The following GPR89B variants were observed in gnomAD, a reference collection of about 807,000 sequenced individuals.
GPR89B encodes G protein-coupled receptor 89B.
GPR89B carries 25 observed loss-of-function variants against 52.4 expected under a neutral mutation model. That is an observed-to-expected ratio of 0.48 (90% CI 0.35 to 0.67). The LOEUF (loss-of-function observed/expected upper bound fraction) is 0.67. Ranked by LOEUF, GPR89B falls within the 30% of genes least tolerant of loss-of-function variation. GPR89B has a pLI of 0.01. For missense variants in GPR89B, 146 were observed against 450.2 expected (o/e 0.32, Z 6.11); for synonymous variants, 52 against 151.2 (o/e 0.34, Z 4.81).
At chr1:148,004,356 G>A in the GPR89B span, among the ~76,000 whole-genome samples, 5 of 149,918 alleles carry the variant, frequency 3.3e-5, no homozygotes, top group African/African-American at 4.9e-5. Flanking sequence ...TAGTAGAGAC[G>A]GTGTTTCACC....
chr1:147,950,588 G>A (rs1417746961), intron 5 of GPR89B, among the ~76,000 whole-genome samples: 3 of 152,230 alleles, frequency 2.0e-5, no homozygotes, highest in African/African-American at 7.2e-5. Flanking sequence ...AGGCGGCTGG[G>A]AGGTGGAGGT....
At chr1:147,994,744 A>G (rs1184889184), downstream of GPR89B, among the ~76,000 whole-genome samples, 4 of 152,108 alleles carry the variant, frequency 2.6e-5, no homozygotes, top group African/African-American at 9.7e-5. Flanking sequence ...AACTAATACA[A>G]CTAATAGTAT....
the GPR89B span, among the ~76,000 whole-genome samples, chr1:148,000,612 T>C: frequency 6.7e-6 from 1 of 149,470 alleles, no homozygotes; most frequent in African/African-American, 2.5e-5. Context: ...ACCCATCATA[T>C]TCCCCCCTCT....
intron 3 of GPR89B, 129 bp downstream of exon 3, chr1:147,938,946 A>C (rs1654328370): frequency 1.8e-6 from 2 of 1,120,562 alleles, no homozygotes; most frequent in East Asian, 5.2e-5. Context: ...CAGTAACTGC[A>C]ATGATCACAA....
downstream of GPR89B, among the ~76,000 whole-genome samples, chr1:147,997,939 T>C (rs1369009358): frequency 4.0e-3 from 608 of 152,328 alleles, 2 homozygotes; most frequent in African/African-American, 0.014. Flanking sequence ...AAGCATTAGC[T>C]GTCACTTCTA....
intron 5 of GPR89B, among the ~76,000 whole-genome samples, chr1:147,945,202 A>G (rs1280367807): frequency 1.2e-4 from 17 of 138,968 alleles, no homozygotes; most frequent in Non-Finnish European, 2.5e-4. Context: ...TGCTATCACC[A>G]CCCCTACATT....
chr1:147,972,477 C>T lies in GPR89B; in HGVS notation c.909+2518C>T, dbSNP rs1465967387. 4.0e-5 allele frequency among the ~76,000 whole-genome samples: 6 copies of T among 151,250 alleles called. No individual in the cohort carries two copies. In the South Asian group the frequency reaches 1.3e-3, roughly 32 times the overall value. ...TGAGTTTCAGTTGTTCACATCCTCACCAACACTCTATATGGCCAGTCTTGC... is the reference window on the plus strand; with the variant it reads ...TGAGTTTCAGTTGTTCACATCCTCATCAACACTCTATATGGCCAGTCTTGC... On this transcript the variant is annotated intron_variant, in intron 10 of 13. Transcript: ENST00000314163.
At chr1:147,946,691 C>T (rs1486549668) in intron 5 of GPR89B, among the ~76,000 whole-genome samples, 4 of 152,136 alleles carry the variant, frequency 2.6e-5, no homozygotes, top group Non-Finnish European at 4.4e-5. Context: ...GTGCATTCAG[C>T]TCACATGACC....
At chr1:148,002,982 A>G in the GPR89B span, among the ~76,000 whole-genome samples, 71 of 152,278 alleles carry the variant, frequency 4.7e-4, 1 homozygote, top group African/African-American at 1.6e-3. Flanking sequence ...GAATTATCAC[A>G]GTGCTTGATC....
chr1:148,009,243 G>T, the GPR89B span: 7 of 1,435,548 alleles, frequency 4.9e-6, no homozygotes, highest in African/African-American at 7.1e-5. Context: ...CAACTGAAAA[G>T]TCAGTCGAAG....
At chr1:148,021,114 TC>T in the GPR89B span, among the ~76,000 whole-genome samples, 30 of 151,956 alleles carry the variant, frequency 2.0e-4, 2 homozygotes, top group African/African-American at 6.3e-4. Context: ...TGCTGTCGGA[TC>T]CCTGCAATAC....
At chr1:147,988,916 G>T (rs1313450284) in intron 12 of GPR89B, among the ~76,000 whole-genome samples, 1 of 135,138 alleles carries the variant, frequency 7.4e-6, no homozygotes, top group Non-Finnish European at 1.6e-5. Flanking sequence ...TAAGAATTCT[G>T]CCTCCTGAGA....
At chr1:147,971,513 C>T (rs1657469681) in intron 10 of GPR89B, among the ~76,000 whole-genome samples, 1 of 124,398 alleles carries the variant, frequency 8.0e-6, no homozygotes, top group South Asian at 2.7e-4. Flanking sequence ...CTCTCTCTGT[C>T]TCCCAGGCTG....
rs1654118915 is a variant in GPR89B, at chr1:147,936,682, A to G, written c.98A>G (p.Tyr33Cys). ...TTCATGCGCCAATTGTTTAAAGACT[A>G]TGAGGTGAGAAGAAATCATTTTGTC... ...LFFMRQLFKDYEIRQYVVQVI... is the reference protein window; with the variant it reads ...LFFMRQLFKDCEIRQYVVQVI... The change falls in exon 2 of 14, where the codon TAT becomes TGT. Residue 33 changes from tyrosine (Y) to cysteine (C), a missense_variant. Coordinates refer to ENST00000314163, the MANE Select transcript of GPR89B (RefSeq NM_016334.5). The G allele has an allele frequency of 3.1e-6, 5 of 1,608,064 alleles. No individual in the cohort carries two copies. The highest frequency in any genetic ancestry group is 1.1e-5 in the South Asian group (1 of 90,506).
intron 12 of GPR89B, among the ~76,000 whole-genome samples, chr1:147,988,815 G>C (rs1271133689): frequency 6.6e-6 from 1 of 151,866 alleles, no homozygotes; most frequent in Non-Finnish European, 1.5e-5. Context: ...AGTGAGCCAA[G>C]GTCACACACT....
At position 147,942,136 on chromosome 1, in the gene GPR89B, A is replaced by C. The variant is rs587610902; in HGVS notation, c.207-1302A>C. ...AGTTTAATAATATAATACAATTAAA[A>C]AATGAATAAAGGATCTGAATAGGCA... On this transcript the variant is annotated intron_variant, in intron 3 of 13. Coordinates refer to ENST00000314163, the MANE Select transcript of GPR89B (RefSeq NM_016334.5). 3.9e-5 allele frequency among the ~76,000 whole-genome samples: 6 copies of C among 152,304 alleles called. 1 individual carries two copies. The East Asian group carries it at 1.2e-3, about 29-fold the overall frequency.
At chr1:147,937,811 A>G (rs1553248217) in intron 2 of GPR89B, among the ~76,000 whole-genome samples, 1 of 152,202 alleles carries the variant, frequency 6.6e-6, no homozygotes, top group African/African-American at 2.4e-5. Context: ...AACAATTTGT[A>G]CAGTTAACGC....
downstream of GPR89B, chr1:147,995,567 A>G: frequency 1.2e-6 from 2 of 1,601,386 alleles, no homozygotes; most frequent in South Asian, 1.1e-5. Flanking sequence ...AGTAAATTAG[A>G]TCATGAAAAG....
intron 10 of GPR89B, among the ~76,000 whole-genome samples, chr1:147,980,982 A>G (rs1165525137): frequency 6.6e-6 from 1 of 151,086 alleles, no homozygotes; most frequent in East Asian, 1.9e-4. Context: ...GGAATCACAT[A>G]ATTTATATTG....
Sources: gnomAD v4.1 joint callset for allele counts (sites outside exome capture counted in the v4.1 genomes callset) on GRCh38, gnomAD v4.1.1 for gene constraint, MANE v1.5 for transcripts, NCBI Gene and HGNC (gene_info 2026-07-23, HGNC 2026-07-21) for gene names.